The following ENTREP3 variants were observed in gnomAD, a reference collection of about 807,000 sequenced individuals.
The protein encoded by ENTREP3 is endosomal transmembrane epsin interactor 3.
At chr1:155,251,792 C>A in the ENTREP3 span, 2 of 1,592,906 alleles carry the variant, frequency 1.3e-6, no homozygotes, top group Non-Finnish European at 1.7e-6. Context: ...GCGGTGGGGG[C>A]ACAGGCGGGA....
chr1:155,247,570 A>G, the ENTREP3 span: 2 of 716,718 alleles, frequency 2.8e-6, no homozygotes, highest in South Asian at 1.5e-5. Flanking sequence ...CACAGTCTAA[A>G]TACCCATGCA....
chr1:155,247,291 T>C, the ENTREP3 span: 1 of 425,634 alleles, frequency 2.3e-6, no homozygotes, highest in African/African-American at 2.0e-5. Context: ...TTCACAGTCT[T>C]TAATGGAGCA....
At chr1:155,252,593 C>T in the ENTREP3 span, among the ~76,000 whole-genome samples, 6 of 146,224 alleles carry the variant, frequency 4.1e-5, no homozygotes, top group South Asian at 2.2e-4. Context: ...TGGTGTCAAA[C>T]TCCTGATATC....
chr1:155,249,927 G>A, the ENTREP3 span, among the ~76,000 whole-genome samples: 2 of 149,536 alleles, frequency 1.3e-5, no homozygotes, highest in Non-Finnish European at 3.0e-5. Flanking sequence ...TCATGGTGGC[G>A]CACACCTGTA....
the ENTREP3 span, chr1:155,253,598 G>A: frequency 3.3e-4 from 501 of 1,537,960 alleles, no homozygotes; most frequent in Non-Finnish European, 4.3e-4. Context: ...CCATACCTGC[G>A]TGCCCTGGCC....
chr1:155,255,024 G>A, the ENTREP3 span: 5 of 648,702 alleles, frequency 7.7e-6, no homozygotes, highest in African/African-American at 5.5e-5. The surrounding 1 kb of genome is among the most constrained non-coding windows in gnomAD (Gnocchi z 5.6). Flanking sequence ...GCATGGCCGA[G>A]GGACGCCAGC....
At chr1:155,250,492 C>T in the ENTREP3 span, 1 of 1,492,924 alleles carries the variant, frequency 6.7e-7, no homozygotes. The surrounding 1 kb of genome is among the most constrained non-coding windows in gnomAD (Gnocchi z 5.4). Context: ...CAGGGTCCCA[C>T]CCAGGGCGGC....
At chr1:155,247,870 C>T in the ENTREP3 span, 33 of 1,536,918 alleles carry the variant, frequency 2.1e-5, no homozygotes, top group South Asian at 7.5e-5. Flanking sequence ...CAGGAGACGC[C>T]GCAGGGAAGA....
the ENTREP3 span, chr1:155,254,253 G>A: frequency 2.6e-5 from 39 of 1,485,760 alleles, no homozygotes; most frequent in Admixed American, 5.5e-4. This position sits in a 1 kb window ranked among gnomAD's most constrained non-coding sequence, Gnocchi z 4.4. Flanking sequence ...CCTCTGCCAC[G>A]GACAGAGTCC....
the ENTREP3 span, chr1:155,252,785 G>A: frequency 9.0e-6 from 1 of 111,042 alleles, no homozygotes; most frequent in South Asian, 3.3e-4. Context: ...AGGCTGGAAT[G>A]CAGTGGCACC....
chr1:155,247,887 G>A, the ENTREP3 span: 1 of 1,569,486 alleles, frequency 6.4e-7, no homozygotes, highest in Non-Finnish European at 8.6e-7. Context: ...AAGAGCTAGA[G>A]CTCAGATCTC....
the ENTREP3 span, chr1:155,254,912 C>G: frequency 1.2e-5 from 18 of 1,509,602 alleles, no homozygotes; most frequent in East Asian, 4.2e-4. This position sits in a 1 kb window ranked among gnomAD's most constrained non-coding sequence, Gnocchi z 4.4. Flanking sequence ...TCGCTCGGCC[C>G]TCCCTGGCAC....
chr1:155,250,474 C>A, the ENTREP3 span: 12 of 1,479,090 alleles, frequency 8.1e-6, no homozygotes, highest in Non-Finnish European at 1.1e-5. This position sits in a 1 kb window ranked among gnomAD's most constrained non-coding sequence, Gnocchi z 5.4. Flanking sequence ...CGCCTCAGCT[C>A]GGGGAAGCAG....
the ENTREP3 span, chr1:155,250,139 T>A: frequency 2.0e-5 from 13 of 660,568 alleles, no homozygotes; most frequent in Non-Finnish European, 2.9e-5. This position sits in a 1 kb window ranked among gnomAD's most constrained non-coding sequence, Gnocchi z 5.4. Context: ...CTGAGAAGTG[T>A]CTACCAGAGG....
the ENTREP3 span, chr1:155,250,311 T>C: frequency 1.3e-6 from 2 of 1,541,648 alleles, no homozygotes; most frequent in South Asian, 2.4e-5. The surrounding 1 kb of genome is among the most constrained non-coding windows in gnomAD (Gnocchi z 5.4). Flanking sequence ...TGGGTCGCTG[T>C]GGGACCGTGG....
the ENTREP3 span, chr1:155,251,839 G>C: frequency 6.5e-7 from 1 of 1,544,418 alleles, no homozygotes; most frequent in Non-Finnish European, 8.7e-7. Context: ...TGTAGGAGAG[G>C]GGCTGGGGGC....
chr1:155,253,927 G>C, the ENTREP3 span: 1 of 1,612,914 alleles, frequency 6.2e-7, no homozygotes, highest in East Asian at 2.2e-5. Flanking sequence ...CCCGACTCTG[G>C]ACAGGGCCGG....
At chr1:155,248,070 C>T in the ENTREP3 span, 15 of 1,614,154 alleles carry the variant, frequency 9.3e-6, no homozygotes, top group Admixed American at 1.7e-5. Context: ...CCATGAGCTC[C>T]AGTCCCACTG....
At chr1:155,250,960 G>C in the ENTREP3 span, 1 of 1,238,110 alleles carries the variant, frequency 8.1e-7, no homozygotes, top group Admixed American at 2.4e-5. The surrounding 1 kb of genome is among the most constrained non-coding windows in gnomAD (Gnocchi z 5.4). Context: ...ATAAGTCCAG[G>C]GTTCCAAGTT....
Sources: allele counts gnomAD v4.1 joint callset (sites outside exome capture counted in the v4.1 genomes callset), GRCh38; gene constraint gnomAD v4.1.1; non-coding constraint Gnocchi (gnomAD v3.1); transcripts MANE v1.5; gene names NCBI Gene and HGNC (gene_info 2026-07-23, HGNC 2026-07-21).